Variants in ADK observed in about 807,000 individuals in gnomAD.
The protein encoded by ADK is adenosine kinase.
In ADK, 24 loss-of-function variants were observed where a neutral mutation model predicts 44.7. The observed-to-expected ratio is 0.54, with a 90% confidence interval of 0.39 to 0.76. ADK has a LOEUF of 0.76. Among genes scored for constraint, ADK ranks in the 30% least tolerant of loss-of-function variants. The pLI, the probability that ADK is intolerant of heterozygous loss-of-function variation, is 0.00. For synonymous variants in ADK, 128 were observed against 142.6 expected (o/e 0.90, Z 0.73); for missense variants, 321 against 425.1 (o/e 0.76, Z 2.15).
At position 74,256,544 on chromosome 10, in the gene ADK, G is replaced by A. The variant is rs1024477116; in HGVS notation, c.194+31953G>A. Among the ~76,000 whole-genome samples, 3 of 152,010 alleles carry A rather than the reference G, an allele frequency of 2.0e-5. No homozygotes were observed. The East Asian group carries it at 5.8e-4, about 29-fold the overall frequency. ...CTTTCTCAGATAATTATGCTTAGTT[G>A]TGAGCAGAAGTAAAATAATGTTTTT... On this transcript the variant is annotated intron_variant, in intron 3 of 10. Transcript: ENST00000539909.
chr10:74,696,102 C>A (rs1414647609), intron 10 of ADK, among the ~76,000 whole-genome samples: 2 of 152,022 alleles, frequency 1.3e-5, no homozygotes, highest in Non-Finnish European at 2.9e-5. Context: ...CTCAACACAA[C>A]CTCCACCTCC....
chr10:74,356,357 T>C (rs1397808578), intron 4 of ADK, among the ~76,000 whole-genome samples: 1 of 152,220 alleles, frequency 6.6e-6, no homozygotes, highest in African/African-American at 2.4e-5. Context: ...TATCTTGATA[T>C]TCTGTTAGCT....
intron 6 of ADK, chr10:74,506,448 T>C (rs2133481719): frequency 6.0e-6 from 1 of 165,810 alleles, no homozygotes; most frequent in East Asian, 1.7e-4. Flanking sequence ...AGATTTACAG[T>C]ATTGCACTAA....
At chr10:74,302,958 T>G (rs1840110794) in intron 3 of ADK, among the ~76,000 whole-genome samples, 1 of 152,230 alleles carries the variant, frequency 6.6e-6, no homozygotes, top group Admixed American at 6.5e-5. Flanking sequence ...TCATGTACCA[T>G]GCCTTGATAA....
chr10:74,192,974 T>C lies in ADK; in HGVS notation c.66-7790T>C, dbSNP rs376497021. On this transcript the variant is annotated intron_variant, in intron 1 of 10. Transcript: ENST00000539909. ...GTTTTACTAATTACTGAAAGAAGGGTGCTAAACTAAGATTATGTATTTGCC... is the reference window on the plus strand; with the variant it reads ...GTTTTACTAATTACTGAAAGAAGGGCGCTAAACTAAGATTATGTATTTGCC... 2.3e-4 allele frequency among the ~76,000 whole-genome samples: 35 copies of C among 152,366 alleles called. 1 individual carries two copies. Among genetic ancestry groups the C allele is most frequent in the Middle Eastern group, 6.8e-3 (2 of 294 alleles).
At chr10:74,679,484 T>C (rs1855522374) in intron 10 of ADK, among the ~76,000 whole-genome samples, 1 of 152,166 alleles carries the variant, frequency 6.6e-6, no homozygotes, top group African/African-American at 2.4e-5. Flanking sequence ...CCTAAAATCT[T>C]TTGGGCAAGT....
In ADK at chr10:74,241,354, T is replaced by C. The variant is rs10400100; in HGVS notation, c.194+16763T>C. Among the ~76,000 whole-genome samples, 834 of 152,294 alleles carry C rather than the reference T, an allele frequency of 5.5e-3. 9 individuals are homozygous for C. The highest frequency in any genetic ancestry group is 0.019 in the African/African-American group (772 of 41,570). The stretch of plus-strand genomic sequence containing the variant: ...CACCAGAGTGGTACATTTGATACAA[T>C]TGATGAACCAATATTGACACATCCA... On this transcript the variant is annotated intron_variant, in intron 3 of 10. Transcript: ENST00000539909.
chr10:74,694,473 T>G (rs1023226731), intron 10 of ADK, among the ~76,000 whole-genome samples: 11 of 152,076 alleles, frequency 7.2e-5, no homozygotes, highest in African/African-American at 2.7e-4. Context: ...TTGGGGGTTT[T>G]GGGGTTTTTT....
At chr10:74,248,904 A>G (rs538266768) in intron 3 of ADK, among the ~76,000 whole-genome samples, 2 of 152,200 alleles carry the variant, frequency 1.3e-5, no homozygotes, top group Non-Finnish European at 2.9e-5. Flanking sequence ...GAAATTTGGC[A>G]GAGAAAAGGA....
chr10:74,203,004 T>C (rs969643663), intron 2 of ADK, among the ~76,000 whole-genome samples: 2 of 152,238 alleles, frequency 1.3e-5, no homozygotes, highest in Non-Finnish European at 2.9e-5. Flanking sequence ...TTTGCTGTCA[T>C]ATGTAAGAAT....
intron 4 of ADK, among the ~76,000 whole-genome samples, chr10:74,377,847 A>G (rs1842861279): frequency 6.6e-6 from 1 of 152,178 alleles, no homozygotes; most frequent in Admixed American, 6.5e-5. Flanking sequence ...CTTCGTTTTT[A>G]AAGTTTTTCT....
At chr10:74,531,261 A>G (rs531717795) in intron 7 of ADK, among the ~76,000 whole-genome samples, 3 of 152,292 alleles carry the variant, frequency 2.0e-5, no homozygotes, top group African/African-American at 7.2e-5. Flanking sequence ...CGAGGCTTCA[A>G]GTAGAGTATT....
intron 3 of ADK, among the ~76,000 whole-genome samples, chr10:74,276,907 T>C (rs533907999): frequency 7.0e-6 from 1 of 143,202 alleles, no homozygotes; most frequent in South Asian, 2.2e-4. Flanking sequence ...GTTTATCTAT[T>C]GTTCCTTTTC....
intron 9 of ADK, among the ~76,000 whole-genome samples, chr10:74,602,860 T>C (rs901774596): frequency 9.9e-5 from 15 of 152,190 alleles, no homozygotes; most frequent in African/African-American, 3.6e-4. Flanking sequence ...TGCAGCCAAA[T>C]AAATGTCAAT....
intron 2 of ADK, among the ~76,000 whole-genome samples, chr10:74,219,496 A>G (rs1844204969): frequency 6.6e-6 from 1 of 152,284 alleles, no homozygotes; most frequent in South Asian, 2.1e-4. Flanking sequence ...CAGGAATTGA[A>G]CTCAGCTCTG....
chr10:74,151,392 C>G (rs1841580498), intron 1 of ADK, 49 bp downstream of exon 1: 1 of 1,541,592 alleles, frequency 6.5e-7, no homozygotes, highest in Non-Finnish European at 8.8e-7. Context: ...TGCAAGCAAG[C>G]CAGGGCCCAC....
At chr10:74,310,228 C>A (rs1041907612) in intron 3 of ADK, among the ~76,000 whole-genome samples, 1 of 152,026 alleles carries the variant, frequency 6.6e-6, no homozygotes, top group Non-Finnish European at 1.5e-5. Flanking sequence ...TACTTTATTT[C>A]CTATGGAAAA....
At chr10:74,410,936 C>A (rs1844154439) in intron 6 of ADK, among the ~76,000 whole-genome samples, 1 of 151,964 alleles carries the variant, frequency 6.6e-6, no homozygotes, top group African/African-American at 2.4e-5. Flanking sequence ...TTATAATATT[C>A]TTCTGTGATT....
intron 9 of ADK, among the ~76,000 whole-genome samples, chr10:74,664,568 C>G (rs990311881): frequency 6.6e-6 from 1 of 152,174 alleles, no homozygotes; most frequent in African/African-American, 2.4e-5. Flanking sequence ...TGTGGCCAGG[C>G]ATGGTGCCTC....
Sources: allele counts gnomAD v4.1 joint callset (sites outside exome capture counted in the v4.1 genomes callset), GRCh38; gene constraint gnomAD v4.1.1; transcripts MANE v1.5; gene names NCBI Gene and HGNC (gene_info 2026-07-23, HGNC 2026-07-21).